AKAP3: variants seen among roughly 807,000 people sequenced by gnomAD.
The protein encoded by AKAP3 is A-kinase anchor protein 3.
AKAP3 carries 27 observed loss-of-function variants against 57.2 expected under a neutral mutation model. That is an observed-to-expected ratio of 0.47 (90% CI 0.35 to 0.65). AKAP3 has a LOEUF of 0.65. AKAP3 is among the 30% of genes least tolerant of loss of function. The pLI is 0.01. For missense variants in AKAP3, 959 were observed against 1,040.0 expected (o/e 0.92, Z 1.07); for synonymous variants, 334 against 392.3 (o/e 0.85, Z 1.76).
In AKAP3 at chr12:4,626,545, T is replaced by C. The variant is rs767890760; in HGVS notation, c.2357A>G (p.Asn786Ser). Reference sequence around the variant, plus strand: ...ACCAGCAAAATACAAAATAGGGACATTGAGCTCAGAGGCAGCTACCCATTG... The same window carrying C: ...ACCAGCAAAATACAAAATAGGGACACTGAGCTCAGAGGCAGCTACCCATTG... ...VLQWVAASEL[N>S]VPILYFAGDD... Residue 786 changes from asparagine (N) to serine (S), a missense_variant, in exon 5 of 6, where the codon AAT becomes AGT. Coordinates refer to ENST00000228850, the MANE Select transcript of AKAP3 (RefSeq NM_001278309.2). 1.5e-5 allele frequency: 25 copies of C among 1,614,026 alleles called. No homozygotes were observed. The South Asian group carries it at 2.2e-4, about 14-fold the overall frequency.
chr12:4,637,537 GT>G (rs1298998218), intron 4 of AKAP3, among the ~76,000 whole-genome samples: 8 of 152,180 alleles, frequency 5.3e-5, no homozygotes, highest in Admixed American at 1.3e-4. Context: ...AGTTAACTAC[GT>G]TTTATTAATA....
intron 5 of AKAP3, among the ~76,000 whole-genome samples, chr12:4,619,694 ACC>A (rs1235043062): frequency 2.6e-5 from 4 of 152,234 alleles, no homozygotes; most frequent in African/African-American, 9.6e-5. Flanking sequence ...AAAACATATA[ACC>A]ACACAGACTT....
intron 4 of AKAP3, among the ~76,000 whole-genome samples, chr12:4,630,461 T>TAGAAA (rs1328413725): frequency 1.4e-5 from 2 of 142,860 alleles, no homozygotes; most frequent in Non-Finnish European, 3.0e-5. Flanking sequence ...TTTGATTACT[T>TAGAAA]GGAAAGAAAA....
At chr12:4,636,156 T>G (rs1314517567) in intron 4 of AKAP3, 3 of 680,348 alleles carry the variant, frequency 4.4e-6, no homozygotes, top group Non-Finnish European at 5.2e-6. Flanking sequence ...GCGCCTCGAT[T>G]AGCCATGTTC....
rs1050509329 is a variant in AKAP3, at chr12:4,625,677, C to G, written c.2406+819G>C. 6.9e-6 allele frequency among the ~76,000 whole-genome samples: 1 copy of G among 145,024 alleles called. No individual in the cohort carries two copies. The highest frequency in any genetic ancestry group is 1.5e-5 in the Non-Finnish European group (1 of 66,920). ...AATCAAGAGGAGACAATCAAAAGCA[C>G]TGAGGAAGAGAAAATGAGAGAGAGA... On this transcript the variant is annotated intron_variant, in intron 5 of 5. Coordinates refer to ENST00000228850, the MANE Select transcript of AKAP3 (RefSeq NM_001278309.2). This position sits in a 1 kb window ranked among gnomAD's most constrained non-coding sequence, Gnocchi z 5.4.
rs199862713 is a variant in AKAP3 at position 4,627,869 on chromosome 12, T to G, written c.1033A>C (p.Thr345Pro). The change falls in exon 5 of 6, where the codon ACA becomes CCA. Residue 345 changes from threonine (T) to proline (P), a missense_variant. Physicochemically the swap from Thr to Pro is conservative, Grantham distance 38. Coordinates refer to ENST00000228850, the MANE Select transcript of AKAP3 (RefSeq NM_001278309.2). Reference sequence around the variant, plus strand: ...TGTGTGTCAGTCATGAGGGTCCCTGTGACGCTGTGGAGATTCCTCAAGAAG... The same window carrying G: ...TGTGTGTCAGTCATGAGGGTCCCTGGGACGCTGTGGAGATTCCTCAAGAAG... The part of the protein sequence containing the change: ...DSFLRNLHSV[T>P]GTLMTDTQFV... The G allele has an allele frequency of 2.3e-4, 379 of 1,614,086 alleles. No homozygotes were observed. The highest frequency in any genetic ancestry group is 3.0e-4 in the Non-Finnish European group (356 of 1,180,048).
chr12:4,619,600 A>G (rs1297880944), intron 5 of AKAP3, among the ~76,000 whole-genome samples: 2 of 152,188 alleles, frequency 1.3e-5, no homozygotes, highest in Non-Finnish European at 2.9e-5. Flanking sequence ...AAAAGGAAAG[A>G]AAATAAATTA....
intron 4 of AKAP3, among the ~76,000 whole-genome samples, chr12:4,637,578 C>T (rs1231112521): frequency 6.6e-6 from 1 of 152,206 alleles, no homozygotes; most frequent in Admixed American, 6.5e-5. Flanking sequence ...GTTACTGGTA[C>T]GGTTTCTATC....
In AKAP3 at chr12:4,626,860, C is replaced by T. The variant is rs777564745; in HGVS notation, c.2042G>A (p.Cys681Tyr). 3.0e-5 allele frequency: 49 copies of T among 1,610,884 alleles called. No individual in the cohort carries two copies. The highest frequency in any genetic ancestry group is 4.1e-5 in the Non-Finnish European group (48 of 1,179,356). ...ATCACAGGACTTAGCAATGATGACA[C>T]ACAGCTTCATCACTGAGTTCATCAG... Reference protein sequence around the residue: ...EHLMNSVMKLCVIIAKSCDAS... With the variant: ...EHLMNSVMKLYVIIAKSCDAS... The change falls in exon 5 of 6, where the codon TGT (cysteine) becomes TAT (tyrosine). Residue 681 changes from cysteine (C) to tyrosine (Y), a missense_variant. Cys to Tyr is a radical substitution (Grantham distance 194). Transcript: ENST00000228850.
intron 4 of AKAP3, among the ~76,000 whole-genome samples, chr12:4,634,010 A>C (rs571987795): frequency 6.6e-6 from 1 of 150,394 alleles, no homozygotes; most frequent in Non-Finnish European, 1.5e-5. Context: ...CTTTATTCAA[A>C]CCTGAGCACC....
Position 4,628,407 on chromosome 12 carries a change from G to A in AKAP3, c.495C>T (p.Pro165=), listed in dbSNP as rs2137434414. ...VYQSLYMGNE[P]TPTKSLSKIA... ...TCTTACTGAGGCTTTTGGTGGGTGT[G>A]GGTTCATTCCCCATGTACAATGACT... The change falls in exon 5 of 6, where the codon CCC becomes CCT. Residue 165 remains proline (P), a synonymous_variant. Transcript: ENST00000228850. The A allele has an allele frequency of 6.2e-7, 1 of 1,614,110 alleles. No individual in the cohort carries two copies. Among genetic ancestry groups the A allele is most frequent in the Non-Finnish European group, 8.5e-7 (1 of 1,180,002 alleles).
intron 4 of AKAP3, among the ~76,000 whole-genome samples, chr12:4,630,424 C>T (rs1945482776): frequency 6.6e-6 from 1 of 152,064 alleles, no homozygotes; most frequent in Non-Finnish European, 1.5e-5. Flanking sequence ...AATCTGGGCG[C>T]TCCACGTCTA....
At position 4,628,177 on chromosome 12, in the gene AKAP3, T is replaced by C. The variant is rs561420027; in HGVS notation, c.725A>G (p.Tyr242Cys). Reference protein sequence around the residue: ...DKPPSKKSFFYKEVFESRNGD... With the variant: ...DKPPSKKSFFCKEVFESRNGD... ...ATTACGAGATTCAAACACTTCCTTA[T>C]AGAAGAAAGACTTCTTAGAAGGAGG... Residue 242 changes from tyrosine to cysteine, a missense_variant, in exon 5 of 6, where the codon TAT (tyrosine) becomes TGT (cysteine). Physicochemically the swap from Tyr to Cys is radical, Grantham distance 194. Coordinates refer to ENST00000228850, the MANE Select transcript of AKAP3 (RefSeq NM_001278309.2). The C allele has an allele frequency of 1.3e-5, 21 of 1,614,054 alleles. No individual in the cohort carries two copies. In the South Asian group the frequency reaches 1.4e-4, roughly 11 times the overall value.
Position 4,649,051 on chromosome 12 carries a change from C to T in AKAP3, c.-551G>A. 1 of 1,521,478 alleles carries T rather than the reference C, an allele frequency of 6.6e-7. No individual in the cohort carries two copies. The highest frequency in any genetic ancestry group is 1.4e-5 in the African/African-American group (1 of 73,002). The allele number at this position is 1,521,478 out of a possible 1,614,324, so 94.2% of individuals were successfully genotyped here. On this transcript the variant is annotated 5_prime_UTR_variant, in exon 1 of 6. Coordinates refer to ENST00000228850, the MANE Select transcript of AKAP3 (RefSeq NM_001278309.2). ...CTTGGTTAGCGCTTGCGCAGACAGG[C>T]GAGAAAGGTAAGTTTTGACCCAGCT...
chr12:4,628,329 G>C lies in AKAP3; in HGVS notation c.573C>G (p.Ala191=), dbSNP rs772816579. ...CTCCAGAGCCAGGAGCCTTGTCTGG[G>C]GCAGCATTCCTGGAACATGCAGAGA... ...ETVSACSRNA[A]PDKAPGSGDR... is the part of the protein sequence containing the mutation. Residue 191 remains alanine (A), a synonymous_variant, in exon 5 of 6, where the codon GCC becomes GCG. Coordinates refer to ENST00000228850, the MANE Select transcript of AKAP3 (RefSeq NM_001278309.2). 2 of 1,614,146 alleles carry C rather than the reference G, an allele frequency of 1.2e-6. No individual in the cohort carries two copies. Among genetic ancestry groups the C allele is most frequent in the Admixed American group, 3.3e-5 (2 of 60,018 alleles).
intron 1 of AKAP3, among the ~76,000 whole-genome samples, chr12:4,647,237 G>A (rs1008101350): frequency 1.3e-4 from 20 of 152,146 alleles, no homozygotes; most frequent in African/African-American, 4.6e-4. Flanking sequence ...CATCCATTAC[G>A]CCACCCGATT....
At chr12:4,618,415 T>A (rs866537958) in intron 5 of AKAP3, among the ~76,000 whole-genome samples, 2 of 152,218 alleles carry the variant, frequency 1.3e-5, no homozygotes, top group African/African-American at 2.4e-5. Flanking sequence ...AAGCTTCATA[T>A]CTATATGCAA....
chr12:4,628,817 A>T lies in AKAP3; in HGVS notation c.97-12T>A. Reference sequence around the variant, plus strand: ...TCCGTGGAGGTGTCCTTAAAAATAGACAAGGATTCATCTGACTATAACAAA... The same window carrying T: ...TCCGTGGAGGTGTCCTTAAAAATAGTCAAGGATTCATCTGACTATAACAAA... On this transcript the variant is annotated splice_polypyrimidine_tract_variant and intron_variant, in intron 4 of 5. Transcript: ENST00000228850. The T allele has an allele frequency of 6.3e-7, 1 of 1,592,058 alleles. No individual in the cohort carries two copies. Among genetic ancestry groups the T allele is most frequent in the Non-Finnish European group, 8.6e-7 (1 of 1,164,962 alleles).
At position 4,626,366 on chromosome 12, in the gene AKAP3, T is replaced by C. The variant is rs553455286; in HGVS notation, c.2406+130A>G. 1.7e-5 allele frequency: 19 copies of C among 1,148,946 alleles called. No homozygotes were observed. The Admixed American group carries it at 3.8e-4, about 23-fold the overall frequency. 71.2% of individuals were successfully genotyped at this position (1,148,946 alleles called of 1,614,324 possible). ...TATCCATTATCTCTGCCAGGAGGCA[T>C]GATCTTCAAATCCCACTGTTCCCAT... is the stretch of plus-strand genomic sequence containing the variant. On this transcript the variant is annotated intron_variant, in intron 5 of 5. Transcript: ENST00000228850.
Sources: gnomAD v4.1 joint callset for allele counts (sites outside exome capture counted in the v4.1 genomes callset) on GRCh38, gnomAD v4.1.1 for gene constraint, Gnocchi (gnomAD v3.1) non-coding constraint, MANE v1.5 for transcripts, NCBI Gene and HGNC (gene_info 2026-07-23, HGNC 2026-07-21) for gene names.